Variants in FXR1 observed in about 807,000 individuals in gnomAD.
The protein encoded by FXR1 is FMR1 autosomal homolog 1.
FXR1 carries 15 observed loss-of-function variants against 84.0 expected under a neutral mutation model. The observed-to-expected ratio is 0.18, with a 90% CI of 0.12 to 0.27. The LOEUF (loss-of-function observed/expected upper bound fraction) is 0.27, where lower values mean the gene tolerates loss of function less well. Ranked by LOEUF, FXR1 falls within the 10% of genes least tolerant of loss-of-function variation. The pLI, the probability that FXR1 is intolerant of heterozygous loss-of-function variation, is 1.00. For missense variants in FXR1, 480 were observed against 774.4 expected (o/e 0.62, Z 4.51); for synonymous variants, 245 against 250.7 (o/e 0.98, Z 0.21).
At position 180,970,194 on chromosome 3, in the gene FXR1, T is replaced by A; in HGVS notation, c.1439T>A (p.Leu480His). The A allele has an allele frequency of 6.2e-7, 1 of 1,607,846 alleles. No individual in the cohort carries two copies. The highest frequency in any genetic ancestry group is 8.5e-7 in the Non-Finnish European group (1 of 1,174,614). Residue 480 changes from leucine (L) to histidine (H), a missense_variant, in exon 15 of 17, where the codon CTT (leucine) becomes CAT (histidine). Transcript: ENST00000357559. Reference protein sequence around the residue: ...KDPDSNPYSLLDNTESDQTAD... With the variant: ...KDPDSNPYSLHDNTESDQTAD... ...CCAGACAGCAATCCATACAGCTTAC[T>A]TGATAATACAGAATCAGATCAGACT...
At chr3:180,950,569 A>G (rs1328227348) in intron 7 of FXR1, among the ~76,000 whole-genome samples, 1 of 152,176 alleles carries the variant, frequency 6.6e-6, no homozygotes, top group Admixed American at 6.5e-5. Flanking sequence ...GTATGTTTAC[A>G]TTATTGATCA....
chr3:180,919,106 A>G (rs1466111610), intron 1 of FXR1, among the ~76,000 whole-genome samples: 2 of 152,174 alleles, frequency 1.3e-5, no homozygotes, highest in Non-Finnish European at 2.9e-5. Context: ...CAGAGAAATG[A>G]TTTGAGCTAT....
chr3:180,919,507 C>G (rs974834705), intron 1 of FXR1, among the ~76,000 whole-genome samples: 5 of 151,936 alleles, frequency 3.3e-5, no homozygotes, highest in Admixed American at 1.3e-4. Context: ...TGGTTTCGAA[C>G]TCCTAACCTC....
At position 180,958,060 on chromosome 3, in the gene FXR1, T is replaced by A. The variant is rs532505719; in HGVS notation, c.990+132T>A. On this transcript the variant is annotated intron_variant, in intron 10 of 16. Coordinates refer to ENST00000357559, the MANE Select transcript of FXR1 (RefSeq NM_005087.4). ...TTTTTAAAATTATGTTTTTATAATA[T>A]TATTTCATACACTTAGAAAACAAGT... 3.3e-5 allele frequency: 15 copies of A among 455,664 alleles called. No homozygotes were observed. In the East Asian group the frequency reaches 4.2e-4, roughly 13 times the overall value. 28.2% of individuals were successfully genotyped at this position (455,664 alleles called of 1,614,324 possible). A position where few individuals can be genotyped will look rare whatever the true frequency, so the allele number is the denominator to read the frequency against.
chr3:180,963,210 A>C lies in FXR1; in HGVS notation c.1198+120A>C, dbSNP rs1310124031. ...ACTCTGTCTTGGCTTTGAGGGTAGA[A>C]GGTAGTTCTGAAGGTTTAGTACACG... On this transcript the variant is annotated intron_variant, in intron 13 of 16. Transcript: ENST00000357559. 6.7e-6 allele frequency: 4 copies of C among 600,622 alleles called. No individual in the cohort carries two copies. In the South Asian group the frequency reaches 8.6e-5, roughly 13 times the overall value. The allele number at this position is 600,622 out of a possible 1,614,324, so 37.2% of individuals were successfully genotyped here.
intron 11 of FXR1, 34 bp downstream of exon 11, chr3:180,961,588 G>A: frequency 1.0e-6 from 1 of 953,394 alleles, no homozygotes. Context: ...TTCTGATATT[G>A]TTGCTGCATT....
intron 1 of FXR1, among the ~76,000 whole-genome samples, chr3:180,932,197 G>T (rs1720018610): frequency 6.6e-6 from 1 of 151,792 alleles, no homozygotes; most frequent in Non-Finnish European, 1.5e-5. Flanking sequence ...TTGGGAAGGA[G>T]TGAGATAAAC....
At chr3:180,956,932 T>G (rs1169124986) in intron 9 of FXR1, among the ~76,000 whole-genome samples, 1 of 152,240 alleles carries the variant, frequency 6.6e-6, no homozygotes, top group African/African-American at 2.4e-5. Flanking sequence ...TGAAAAGTGA[T>G]ATACTTAAAT....
At chr3:180,924,625 T>C (rs145633762) in intron 1 of FXR1, among the ~76,000 whole-genome samples, 223 of 152,266 alleles carry the variant, frequency 1.5e-3, no homozygotes, top group Non-Finnish European at 2.8e-3. Flanking sequence ...TTTTTCCATA[T>C]ATAGATTTGG....
At chr3:180,964,359 C>T (rs968164689) in intron 13 of FXR1, among the ~76,000 whole-genome samples, 5 of 152,122 alleles carry the variant, frequency 3.3e-5, no homozygotes, top group Admixed American at 6.6e-5. Flanking sequence ...TTGGATGATG[C>T]GTATGATGAA....
At chr3:180,967,469 T>C (rs922119131) in intron 13 of FXR1, among the ~76,000 whole-genome samples, 3 of 152,158 alleles carry the variant, frequency 2.0e-5, no homozygotes, top group Non-Finnish European at 4.4e-5. Flanking sequence ...AAGTTATTTT[T>C]ATTGTACTAA....
intron 15 of FXR1, chr3:180,971,529 G>A (rs1255479440): frequency 2.0e-5 from 3 of 152,490 alleles, no homozygotes; most frequent in Non-Finnish European, 4.4e-5. Flanking sequence ...TTTGCATGGT[G>A]CCTGCTTACT....
At chr3:180,973,867 T>C (rs1713890690) in intron 15 of FXR1, among the ~76,000 whole-genome samples, 1 of 152,218 alleles carries the variant, frequency 6.6e-6, no homozygotes, top group Admixed American at 6.5e-5. Context: ...TTAAGAAACG[T>C]GAATTGTAAA....
chr3:180,948,355 C>T lies in FXR1; in HGVS notation c.279C>T (p.Val93=), dbSNP rs1435674237. ...KVRMMKGEFY[V]IEYAACDATY... ...ATTTTGATGTCTTTTAGTTTTATGT[C>T]ATTGAATATGCTGCTTGTGACGCTA... is the stretch of plus-strand genomic sequence containing the variant. The change falls in exon 5 of 17, where the codon GTC becomes GTT. Residue 93 remains valine, a synonymous_variant. Coordinates refer to ENST00000357559, the MANE Select transcript of FXR1 (RefSeq NM_005087.4). 1 of 1,593,596 alleles carries T rather than the reference C, an allele frequency of 6.3e-7. No individual in the cohort carries two copies. Among genetic ancestry groups the T allele is most frequent in the Admixed American group, 1.7e-5 (1 of 58,232 alleles).
At chr3:180,973,050 GTTGA>G (rs1341175458) in intron 15 of FXR1, among the ~76,000 whole-genome samples, 4 of 152,280 alleles carry the variant, frequency 2.6e-5, no homozygotes, top group African/African-American at 9.6e-5. Context: ...CTGGTGTCCA[GTTGA>G]TTAACTTGGA....
At chr3:180,951,102 A>G (rs1396148998) in intron 7 of FXR1, among the ~76,000 whole-genome samples, 196 bp from the exon 8 acceptor site, 1 of 151,910 alleles carries the variant, frequency 6.6e-6, no homozygotes, top group Admixed American at 6.6e-5. Context: ...GCGTGCCTGT[A>G]TTTCCAACTA....
chr3:180,973,294 A>C (rs1713815023), intron 15 of FXR1, among the ~76,000 whole-genome samples: 1 of 152,070 alleles, frequency 6.6e-6, no homozygotes, highest in Admixed American at 6.6e-5. Flanking sequence ...CTATATCAAA[A>C]TATTATTCTG....
intron 7 of FXR1, among the ~76,000 whole-genome samples, chr3:180,950,828 A>C (rs957520180): frequency 2.0e-5 from 3 of 152,146 alleles, no homozygotes; most frequent in Admixed American, 6.5e-5. Flanking sequence ...TGTATATACC[A>C]CATTATGTTC....
chr3:180,936,235 T>C (rs781386797), intron 3 of FXR1, among the ~76,000 whole-genome samples: 3 of 152,028 alleles, frequency 2.0e-5, no homozygotes, highest in Non-Finnish European at 4.4e-5. Context: ...CTAAGCACTT[T>C]GCAAATGATT....
Sources: gnomAD v4.1 joint callset for allele counts (sites outside exome capture counted in the v4.1 genomes callset) on GRCh38, gnomAD v4.1.1 for gene constraint, MANE v1.5 for transcripts, NCBI Gene and HGNC (gene_info 2026-07-23, HGNC 2026-07-21) for gene names.